Variants in UNC79 observed in about 807,000 individuals in gnomAD.
The protein encoded by UNC79 is unc-79 subunit of NALCN channel complex.
Under a neutral mutation model 283.1 loss-of-function variants are expected in UNC79, and 37 were observed. The ratio of observed to expected loss-of-function variants is 0.13; its 90% CI spans 0.10 to 0.17. The LOEUF (loss-of-function observed/expected upper bound fraction) is 0.17. UNC79 is among the 10% of genes least tolerant of loss of function. The pLI, the probability that UNC79 is intolerant of heterozygous loss-of-function variation, is 1.00. For synonymous variants in UNC79, 1,107 were observed against 1,200.2 expected, an observed-to-expected ratio of 0.92 and a Z score of 1.61; for missense variants, 2,272 against 3,211.1, an observed-to-expected ratio of 0.71 and a Z score of 7.07.
In UNC79 at chr14:93,617,023, T is replaced by A. The variant is rs2066783322; in HGVS notation, c.4042-99T>A. Reference sequence around the variant, plus strand: ...GGATGCCTGTTAAATATTTTGCCTGTTAAAAATTTTAACCACTGGGATGGC... The same window carrying A: ...GGATGCCTGTTAAATATTTTGCCTGATAAAAATTTTAACCACTGGGATGGC... On this transcript the variant is annotated intron_variant, in intron 27 of 48. Coordinates refer to ENST00000555664, the Ensembl canonical transcript of UNC79. The surrounding 1 kb of genome is among the most constrained non-coding windows in gnomAD (Gnocchi z 4.5). The A allele has an allele frequency of 9.3e-7, 1 of 1,072,048 alleles. No homozygotes were observed. Among genetic ancestry groups the A allele is most frequent in the African/African-American group, 1.6e-5 (1 of 62,636 alleles). 66.4% of individuals were successfully genotyped at this position (1,072,048 alleles called of 1,614,324 possible).
chr14:93,565,890 C>T (rs1224468965), intron 14 of UNC79, among the ~76,000 whole-genome samples: 2 of 152,168 alleles, frequency 1.3e-5, no homozygotes, highest in Non-Finnish European at 2.9e-5. Context: ...AGCCAAGCCA[C>T]CATTTCAACA....
chr14:93,511,626 T>C lies in UNC79; in HGVS notation c.899-12352T>C, dbSNP rs1156589854. On this transcript the variant is annotated intron_variant, in intron 7 of 48. Transcript: ENST00000555664. ...CCACGCCCAACTAATTTTTGTATTT[T>C]AATAGAGACGGGGTTTCACCATGTT... is the stretch of plus-strand genomic sequence containing the variant. 1.3e-5 allele frequency among the ~76,000 whole-genome samples: 2 copies of C among 152,070 alleles called. 1 individual carries two copies. The highest frequency in any genetic ancestry group is 3.9e-4 in the East Asian group (2 of 5,178).
chr14:93,654,316 C>T (rs986535443), intron 37 of UNC79, among the ~76,000 whole-genome samples: 1 of 151,954 alleles, frequency 6.6e-6, no homozygotes, highest in Admixed American at 6.6e-5. Context: ...CATAGCAAGA[C>T]CCCCATCTCT....
intron 34 of UNC79, among the ~76,000 whole-genome samples, chr14:93,644,767 A>C (rs2069415623): frequency 6.6e-6 from 1 of 152,210 alleles, no homozygotes; most frequent in African/African-American, 2.4e-5. Flanking sequence ...AGTTGAAGAC[A>C]AATAGGAAAG....
At chr14:93,628,474 T>C (rs1169912346) in intron 30 of UNC79, among the ~76,000 whole-genome samples, 1 of 152,220 alleles carries the variant, frequency 6.6e-6, no homozygotes, top group African/African-American at 2.4e-5. Context: ...GTCTTTCTCT[T>C]CTCTGTTTCT....
At chr14:93,683,731 A>T (rs1350089546) in intron 42 of UNC79, among the ~76,000 whole-genome samples, 1 of 152,202 alleles carries the variant, frequency 6.6e-6, no homozygotes, top group East Asian at 1.9e-4. Flanking sequence ...AGCCATTAAA[A>T]ATAAACCTTT....
At chr14:93,373,000 A>G (rs1179723781) in intron 1 of UNC79, among the ~76,000 whole-genome samples, 1 of 152,258 alleles carries the variant, frequency 6.6e-6, no homozygotes, top group Non-Finnish European at 1.5e-5. Context: ...ACCAGAATAC[A>G]ATAACAGAAA....
chr14:93,538,739 G>A (rs1257426151), intron 12 of UNC79, among the ~76,000 whole-genome samples: 1 of 145,402 alleles, frequency 6.9e-6, no homozygotes, highest in Admixed American at 7.1e-5. Flanking sequence ...ACCCTGTGTA[G>A]TCAGACAGGG....
chr14:93,606,571 G>A (rs1039427872), intron 26 of UNC79, among the ~76,000 whole-genome samples: 2 of 152,162 alleles, frequency 1.3e-5, no homozygotes, highest in Admixed American at 1.3e-4. Flanking sequence ...GCTACTTAAC[G>A]AACATACTTT....
chr14:93,544,364 TA>T (rs1191863870), intron 14 of UNC79, among the ~76,000 whole-genome samples: 1 of 152,198 alleles, frequency 6.6e-6, no homozygotes, highest in African/African-American at 2.4e-5. Context: ...TTGGGTTTTT[TA>T]ATGCCATGGG....
chr14:93,380,633 G>A (rs970569210), intron 1 of UNC79, among the ~76,000 whole-genome samples: 19 of 152,144 alleles, frequency 1.2e-4, no homozygotes, highest in African/African-American at 4.6e-4. Flanking sequence ...TAGACTATAA[G>A]CTCCATGAAG....
At chr14:93,663,711 T>C (rs2071845637) in intron 40 of UNC79, among the ~76,000 whole-genome samples, 1 of 152,154 alleles carries the variant, frequency 6.6e-6, no homozygotes, top group Admixed American at 6.5e-5. Context: ...ACTACCATGA[T>C]GGTCAGCATT....
intron 46 of UNC79, among the ~76,000 whole-genome samples, chr14:93,693,982 G>A (rs1047327321): frequency 1.3e-5 from 2 of 152,110 alleles, no homozygotes; most frequent in Non-Finnish European, 2.9e-5. Context: ...GCGTGATACA[G>A]AACTCTTACA....
intron 47 of UNC79, among the ~76,000 whole-genome samples, chr14:93,702,933 C>T (rs2075634705): frequency 6.6e-6 from 1 of 152,192 alleles, no homozygotes; most frequent in African/African-American, 2.4e-5. Context: ...GCTGCTGCCA[C>T]GGTGATCTGT....
chr14:93,405,934 A>G (rs1167512748), intron 1 of UNC79, among the ~76,000 whole-genome samples: 2 of 152,206 alleles, frequency 1.3e-5, no homozygotes, highest in African/African-American at 2.4e-5. Flanking sequence ...AAGGTGACCA[A>G]CTATCCTGGT....
At chr14:93,583,331 A>T (rs7147761) in intron 20 of UNC79, among the ~76,000 whole-genome samples, 2,058 of 151,794 alleles carry the variant, frequency 0.014, 19 homozygotes, top group South Asian at 0.031. Context: ...AAAAAAAAAA[A>T]TAATAAATAA....
At chr14:93,432,039 C>G (rs994638021) in intron 1 of UNC79, among the ~76,000 whole-genome samples, 2 of 152,188 alleles carry the variant, frequency 1.3e-5, no homozygotes, top group African/African-American at 4.8e-5. Context: ...TAGATTGACT[C>G]CTTTCTTCCA....
At chr14:93,432,562 A>G (rs188258625) in intron 1 of UNC79, among the ~76,000 whole-genome samples, 208 of 152,318 alleles carry the variant, frequency 1.4e-3, no homozygotes, top group African/African-American at 4.8e-3. Flanking sequence ...TAAATAGTCC[A>G]TCTCCTCTAA....
At chr14:93,485,186 G>GTA (rs1294951479) in intron 4 of UNC79, among the ~76,000 whole-genome samples, 3 of 145,068 alleles carry the variant, frequency 2.1e-5, no homozygotes, top group South Asian at 4.4e-4. Context: ...ATATATATAT[G>GTA]TATATATATG....
Sources: allele counts gnomAD v4.1 joint callset (sites outside exome capture counted in the v4.1 genomes callset), GRCh38; gene constraint gnomAD v4.1.1; non-coding constraint Gnocchi (gnomAD v3.1); transcripts MANE v1.5; gene names NCBI Gene and HGNC (gene_info 2026-07-23, HGNC 2026-07-21).